The following RIN2 variants were observed in gnomAD, a reference collection of about 807,000 sequenced individuals.
RIN2 encodes RAB5 interacting protein 2.
RIN2 carries 36 observed loss-of-function variants against 78.0 expected under a neutral mutation model. The ratio of observed to expected loss-of-function variants is 0.46; its 90% CI spans 0.35 to 0.61. The LOEUF (loss-of-function observed/expected upper bound fraction) is 0.61, where lower values mean the gene tolerates loss of function less well. RIN2 is among the 20% of genes least tolerant of loss of function. The probability of loss-of-function intolerance (pLI) is 0.00; values close to 1 mark genes in which losing one functional copy is unlikely to be tolerated. For missense variants in RIN2, 1,087 were observed against 1,159.7 expected (o/e 0.94, Z 0.91); for synonymous variants, 466 against 466.8 (o/e 1.00, Z 0.02).
chr20:19,796,512 T>C (rs1426424026), intron 1 of RIN2, among the ~76,000 whole-genome samples: 3 of 152,242 alleles, frequency 2.0e-5, no homozygotes, highest in Non-Finnish European at 4.4e-5. Context: ...AGTATTGTTC[T>C]ACAAAATGTT....
intron 2 of RIN2, among the ~76,000 whole-genome samples, chr20:19,873,352 C>T (rs76507580): frequency 0.014 from 2,145 of 152,196 alleles, 36 homozygotes; most frequent in African/African-American, 0.049. Flanking sequence ...CTCTTGAACT[C>T]CGGGGTCAAG....
intron 2 of RIN2, among the ~76,000 whole-genome samples, chr20:19,875,934 A>T (rs1181499731): frequency 6.6e-6 from 1 of 152,342 alleles, no homozygotes; most frequent in East Asian, 1.9e-4. Flanking sequence ...AAGATTCAGC[A>T]GAACTGCAGA....
At chr20:19,922,959 C>T (rs1436207488) in intron 3 of RIN2, among the ~76,000 whole-genome samples, 1 of 152,208 alleles carries the variant, frequency 6.6e-6, no homozygotes, top group Non-Finnish European at 1.5e-5. Flanking sequence ...AGCATAACTT[C>T]CGTGAACTCT....
chr20:19,797,098 C>T (rs2035080979), intron 1 of RIN2, among the ~76,000 whole-genome samples: 2 of 152,166 alleles, frequency 1.3e-5, no homozygotes, highest in South Asian at 4.1e-4. Flanking sequence ...AGCTGCCATT[C>T]CACTCAGTAA....
At chr20:19,796,546 C>A (rs540682639) in intron 1 of RIN2, among the ~76,000 whole-genome samples, 6 of 152,124 alleles carry the variant, frequency 3.9e-5, no homozygotes, top group Non-Finnish European at 8.8e-5. Flanking sequence ...TATGCATATG[C>A]CTGGGTATGG....
chr20:19,788,439 A>AAAAAAAAACAAAAAAAAAAAC (rs1555818732), intron 1 of RIN2, among the ~76,000 whole-genome samples: 1 of 132,994 alleles, frequency 7.5e-6, no homozygotes, highest in African/African-American at 3.3e-5. Flanking sequence ...TGCCAAAAAA[A>AAAAAAAAACAAAAAAAAAAAC]AAAAAAAAAA....
chr20:19,893,783 A>G (rs1004717285), intron 3 of RIN2, among the ~76,000 whole-genome samples: 2 of 152,164 alleles, frequency 1.3e-5, no homozygotes, highest in African/African-American at 4.8e-5. Context: ...CACAAAACAT[A>G]TGGCAGAGCC....
Position 19,974,877 on chromosome 20 carries a change from C to T in RIN2, c.852C>T (p.Leu284=). ...TCTTGAAAGTGCACAGCCAGGACCT[C>T]AGTGGAGGCCTGAAACGGCCGAGCA... ...PLFLKVHSQD[L]SGGLKRPSTR... is the part of the protein sequence containing the mutation. The change falls in exon 9 of 13, where the codon CTC becomes CTT. Residue 284 remains leucine (L), a synonymous_variant. Transcript: ENST00000255006. 2 of 1,614,026 alleles carry T rather than the reference C, an allele frequency of 1.2e-6. No homozygotes were observed. The highest frequency in any genetic ancestry group is 1.7e-6 in the Non-Finnish European group (2 of 1,179,896).
At chr20:19,842,814 G>A (rs1021374845) in intron 2 of RIN2, among the ~76,000 whole-genome samples, 5 of 151,918 alleles carry the variant, frequency 3.3e-5, no homozygotes, top group Admixed American at 6.6e-5. Context: ...AGCTGCCATA[G>A]GTAGTGATTC....
chr20:19,824,702 G>C (rs1427676761), intron 2 of RIN2, among the ~76,000 whole-genome samples: 1 of 152,174 alleles, frequency 6.6e-6, no homozygotes, highest in Non-Finnish European at 1.5e-5. Flanking sequence ...ATTTTCCTGA[G>C]TTCTGGCTGG....
At chr20:19,921,069 C>A (rs997579304) in intron 3 of RIN2, among the ~76,000 whole-genome samples, 4 of 152,200 alleles carry the variant, frequency 2.6e-5, no homozygotes, top group African/African-American at 9.7e-5. Flanking sequence ...ATCAGGGGTG[C>A]CGCCTAAACA....
chr20:19,807,233 C>T (rs1467236742), intron 2 of RIN2, among the ~76,000 whole-genome samples: 1 of 152,220 alleles, frequency 6.6e-6, no homozygotes, highest in African/African-American at 2.4e-5. Flanking sequence ...AAACCTAAGT[C>T]AAGAGGCAGA....
intron 1 of RIN2, among the ~76,000 whole-genome samples, chr20:19,779,435 C>T (rs918666382): frequency 6.6e-6 from 1 of 152,212 alleles, no homozygotes; most frequent in Non-Finnish European, 1.5e-5. Context: ...TCAACTCATT[C>T]TTACAGCACA....
intron 3 of RIN2, among the ~76,000 whole-genome samples, chr20:19,927,713 C>T (rs1474427022): frequency 6.6e-6 from 1 of 151,986 alleles, no homozygotes; most frequent in Admixed American, 6.6e-5. Flanking sequence ...CCACGCCCAG[C>T]CAATTTTTTA....
At chr20:19,947,873 G>C (rs1306998168) in intron 4 of RIN2, among the ~76,000 whole-genome samples, 1 of 152,224 alleles carries the variant, frequency 6.6e-6, no homozygotes, top group African/African-American at 2.4e-5. Context: ...TGGGAAAGCC[G>C]GCAAAGCAAG....
chr20:19,869,266 T>A (rs1363688396), intron 2 of RIN2, among the ~76,000 whole-genome samples: 1 of 152,182 alleles, frequency 6.6e-6, no homozygotes, highest in East Asian at 1.9e-4. Context: ...TTTGGACTGA[T>A]GTCAGGGCCA....
chr20:19,831,269 A>G (rs949372076), intron 2 of RIN2, among the ~76,000 whole-genome samples: 1 of 152,230 alleles, frequency 6.6e-6, no homozygotes, highest in South Asian at 2.1e-4. Context: ...AAATTTTTAC[A>G]TTAACATTTT....
chr20:19,895,220 A>G (rs1415427361), intron 3 of RIN2, among the ~76,000 whole-genome samples: 3 of 152,210 alleles, frequency 2.0e-5, no homozygotes, highest in African/African-American at 4.8e-5. Context: ...TGTAGTCTCA[A>G]TGCAGTGCCA....
intron 2 of RIN2, among the ~76,000 whole-genome samples, chr20:19,887,932 A>G (rs6132240): frequency 0.5 from 75,716 of 151,988 alleles, 18,860 homozygotes; most frequent in Non-Finnish European, 0.51. Flanking sequence ...TTGCTCCCCA[A>G]GGTGACAGTG....
Sources: gnomAD v4.1 joint callset for allele counts (sites outside exome capture counted in the v4.1 genomes callset) on GRCh38, gnomAD v4.1.1 for gene constraint, MANE v1.5 for transcripts, NCBI Gene and HGNC (gene_info 2026-07-23, HGNC 2026-07-21) for gene names.